HEATR4: variants seen among roughly 807,000 people sequenced by gnomAD.
HEATR4 encodes the protein HEAT repeat containing 4, also known as HEAT repeat-containing protein 4.
In HEATR4, 95 loss-of-function variants were observed where a neutral mutation model predicts 108.8. The ratio of observed to expected loss-of-function variants is 0.87; its 90% CI spans 0.74 to 1.04. The LOEUF (loss-of-function observed/expected upper bound fraction) is 1.04. HEATR4 is among the 50% of genes least tolerant of loss of function. The pLI is 0.00. For missense variants in HEATR4, 1,152 were observed against 1,253.8 expected (o/e 0.92, Z 1.23); for synonymous variants, 443 against 459.4 (o/e 0.96, Z 0.46).
At chr14:73,494,463 A>G (rs1046401712) in intron 16 of HEATR4, among the ~76,000 whole-genome samples, 15 of 152,232 alleles carry the variant, frequency 9.9e-5, no homozygotes, top group African/African-American at 3.4e-4. Flanking sequence ...TTCTTTTTAA[A>G]AAAGTTACAA....
chr14:73,585,057 G>T, the HEATR4 span, among the ~76,000 whole-genome samples: 1 of 150,310 alleles, frequency 6.7e-6, no homozygotes, highest in Non-Finnish European at 1.5e-5. Context: ...CCCTGACCTG[G>T]GTGCCACCCA....
chr14:73,624,846 G>A, the HEATR4 span, among the ~76,000 whole-genome samples: 1 of 152,106 alleles, frequency 6.6e-6, no homozygotes, highest in African/African-American at 2.4e-5. Flanking sequence ...TAGATAATCT[G>A]TGTAAAGTAC....
the HEATR4 span, among the ~76,000 whole-genome samples, chr14:73,598,843 A>G: frequency 6.6e-6 from 1 of 152,092 alleles, no homozygotes; most frequent in African/African-American, 2.4e-5. Flanking sequence ...TCTCTACTAA[A>G]AATACAAAAA....
the HEATR4 span, among the ~76,000 whole-genome samples, chr14:73,611,196 G>A: frequency 3.3e-5 from 5 of 152,142 alleles, no homozygotes; most frequent in Non-Finnish European, 7.3e-5. Flanking sequence ...ACTGAGCTGG[G>A]CATCACTATA....
At chr14:73,563,814 T>TAAAA (rs1889565359), upstream of HEATR4, among the ~76,000 whole-genome samples, 1 of 151,514 alleles carries the variant, frequency 6.6e-6, no homozygotes, top group Non-Finnish European at 1.5e-5. Flanking sequence ...AAAAAATAAA[T>TAAAA]AAATAAATGG....
the HEATR4 span, among the ~76,000 whole-genome samples, chr14:73,566,437 G>C: frequency 2.0e-5 from 3 of 152,132 alleles, no homozygotes; most frequent in Non-Finnish European, 4.4e-5. Flanking sequence ...GAGGCGGGGG[G>C]AGGCTCAGGC....
At chr14:73,508,905 G>A (rs993399373) in intron 8 of HEATR4, among the ~76,000 whole-genome samples, 1 of 151,782 alleles carries the variant, frequency 6.6e-6, no homozygotes, top group African/African-American at 2.4e-5. Flanking sequence ...GAGTACAGTG[G>A]CACCATTGTG....
the HEATR4 span, among the ~76,000 whole-genome samples, chr14:73,570,976 CTTTTTTT>C: frequency 1.3e-5 from 1 of 74,354 alleles, no homozygotes; most frequent in Non-Finnish European, 3.0e-5. Context: ...TAGGAAGCCA[CTTTTTTT>C]TTTTTTTAAA....
At chr14:73,602,123 T>A in the HEATR4 span, among the ~76,000 whole-genome samples, 1 of 152,254 alleles carries the variant, frequency 6.6e-6, no homozygotes, top group Non-Finnish European at 1.5e-5. Context: ...GTATTTTCAG[T>A]AGAGACGAGG....
At position 73,532,279 on chromosome 14, in the gene HEATR4, C is replaced by T. The variant is rs1888729324; in HGVS notation, c.-151-2035G>A. ...GCCCACACAGTTCAATCCTATTTTC[C>T]CTGATCTCCAAATCCTGGCTAGATT... On this transcript the variant is annotated intron_variant, in intron 1 of 17. Transcript: ENST00000553558. Among the ~76,000 whole-genome samples, 2 of 115,194 alleles carry T rather than the reference C, an allele frequency of 1.7e-5. 1 individual carries two copies. Among genetic ancestry groups the T allele is most frequent in the Non-Finnish European group, 3.8e-5 (2 of 52,872 alleles). 75.6% of individuals were successfully genotyped at this position (115,194 alleles called of 152,430 possible).
chr14:73,589,556 C>T, the HEATR4 span, among the ~76,000 whole-genome samples: 2 of 152,132 alleles, frequency 1.3e-5, no homozygotes, highest in African/African-American at 2.4e-5. Flanking sequence ...CAACCTCAAG[C>T]GATCCGCCCA....
At chr14:73,524,591 C>G (rs1429824484) in intron 2 of HEATR4, among the ~76,000 whole-genome samples, 1 of 150,176 alleles carries the variant, frequency 6.7e-6, no homozygotes, top group East Asian at 1.9e-4. Flanking sequence ...TTTTAAGAAG[C>G]TGAGGTTCAG....
chr14:73,612,818 G>T, the HEATR4 span: 1 of 1,424,326 alleles, frequency 7.0e-7, no homozygotes, highest in East Asian at 3.0e-5. Flanking sequence ...GCTGCTGTGG[G>T]CGTTGGAGCC....
chr14:73,499,408 A>G (rs1490003497), intron 12 of HEATR4, among the ~76,000 whole-genome samples: 1 of 152,144 alleles, frequency 6.6e-6, no homozygotes, highest in Non-Finnish European at 1.5e-5. Flanking sequence ...TGGACCTGGG[A>G]GGCGGAGGTT....
the HEATR4 span, among the ~76,000 whole-genome samples, chr14:73,600,569 A>G: frequency 6.6e-6 from 1 of 151,938 alleles, no homozygotes; most frequent in African/African-American, 2.4e-5. Flanking sequence ...CTCCTGCCTC[A>G]GCCTCCCAAG....
chr14:73,538,769 A>G (rs1163906523), intron 1 of HEATR4, among the ~76,000 whole-genome samples: 1 of 113,856 alleles, frequency 8.8e-6, no homozygotes, highest in Non-Finnish European at 1.9e-5. Context: ...AGAGTTCGAG[A>G]CCAGCCTGGC....
Position 73,547,313 on chromosome 14 carries a change from G to A in HEATR4, c.-152+11438C>T, listed in dbSNP as rs1410469460. ...GGAGAATCACTTGAAACCGGAAGGC[G>A]GAGGTTGCAGAGAGCCAAGATCGTG... is the stretch of plus-strand genomic sequence containing the variant. On this transcript the variant is annotated intron_variant, in intron 1 of 17. Coordinates refer to ENST00000553558, the MANE Select transcript of HEATR4 (RefSeq NM_001220484.1). Among the ~76,000 whole-genome samples, 5 of 116,108 alleles carry A rather than the reference G, an allele frequency of 4.3e-5. 2 individuals are homozygous for A. Among genetic ancestry groups the A allele is most frequent in the Non-Finnish European group, 5.7e-5 (3 of 52,916 alleles). 76.2% of individuals were successfully genotyped at this position (116,108 alleles called of 152,430 possible).
chr14:73,492,541 T>G lies in HEATR4; in HGVS notation c.2844+525A>C. ...AGCGAGCCAAAGACTTCATTCACGA[T>G]TCTCTGCCCCCTGTTTTGACTGATA... On this transcript the variant is annotated intron_variant, in intron 17 of 17. Coordinates refer to ENST00000553558, the MANE Select transcript of HEATR4 (RefSeq NM_001220484.1). This position sits in a 1 kb window ranked among gnomAD's most constrained non-coding sequence, Gnocchi z 4.9. 6.2e-7 allele frequency: 1 copy of G among 1,613,824 alleles called. No homozygotes were observed. Among genetic ancestry groups the G allele is most frequent in the African/African-American group, 1.3e-5 (1 of 75,028 alleles).
chr14:73,559,009 G>A (rs1425697622), upstream of HEATR4: 1 of 151,912 alleles, frequency 6.6e-6, no homozygotes, highest in Non-Finnish European at 1.5e-5. Flanking sequence ...TCTACTCAGA[G>A]AACTTGTGGG....
Sources: gnomAD v4.1 joint callset for allele counts (sites outside exome capture counted in the v4.1 genomes callset) on GRCh38, gnomAD v4.1.1 for gene constraint, Gnocchi (gnomAD v3.1) non-coding constraint, MANE v1.5 for transcripts, NCBI Gene and HGNC (gene_info 2026-07-23, HGNC 2026-07-21) for gene names.